Variants in TMOD3 observed in about 807,000 individuals in gnomAD.
TMOD3 encodes the protein tropomodulin-3.
In TMOD3, 20 loss-of-function variants were observed where a neutral mutation model predicts 39.2. The observed-to-expected ratio is 0.51, with a 90% CI of 0.36 to 0.74. The LOEUF (loss-of-function observed/expected upper bound fraction) is 0.74, where lower values mean the gene tolerates loss of function less well. Ranked by LOEUF, TMOD3 falls within the 30% of genes least tolerant of loss-of-function variation. TMOD3 has a pLI of 0.00. For missense variants in TMOD3, 381 were observed against 412.8 expected (o/e 0.92, Z 0.67); for synonymous variants, 143 against 145.8 (o/e 0.98, Z 0.14).
At chr15:51,858,930 G>T (rs758116005) in intron 1 of TMOD3, among the ~76,000 whole-genome samples, 1 of 152,134 alleles carries the variant, frequency 6.6e-6, no homozygotes, top group African/African-American at 2.4e-5. Flanking sequence ...CCAGCTACTC[G>T]GGAGTCTGAG....
chr15:51,873,978 T>C (rs2056488868), intron 3 of TMOD3, among the ~76,000 whole-genome samples: 1 of 152,206 alleles, frequency 6.6e-6, no homozygotes, highest in East Asian at 1.9e-4. Flanking sequence ...ATTACTTACC[T>C]AGTCATTAGA....
rs1287320660 is a variant in TMOD3, at chr15:51,909,013, A to G, written c.*203A>G. The G allele has an allele frequency of 2.5e-6, 1 of 397,276 alleles. No individual in the cohort carries two copies. Among genetic ancestry groups the G allele is most frequent in the Non-Finnish European group, 4.5e-6 (1 of 224,306 alleles). The allele number at this position is 397,276 out of a possible 1,614,324, so 24.6% of individuals were successfully genotyped here. A position where few individuals can be genotyped will look rare whatever the true frequency, so the allele number is the denominator to read the frequency against. ...CTGAAACATTTCTACTTTCTGCTAA[A>G]ATCAATTTTAATTTAGTTTAATTGA... is the stretch of plus-strand genomic sequence containing the variant. On this transcript the variant is annotated 3_prime_UTR_variant, in exon 10 of 10. Coordinates refer to ENST00000308580, the MANE Select transcript of TMOD3 (RefSeq NM_014547.5).
chr15:51,857,326 C>A (rs1566855452), intron 1 of TMOD3, among the ~76,000 whole-genome samples: 1 of 152,146 alleles, frequency 6.6e-6, no homozygotes. Context: ...GTAATGTTTT[C>A]TCTTTTATGC....
intron 1 of TMOD3, among the ~76,000 whole-genome samples, chr15:51,831,218 T>C (rs2056253231): frequency 6.6e-6 from 1 of 152,240 alleles, no homozygotes; most frequent in Non-Finnish European, 1.5e-5. Flanking sequence ...TATTTAATCA[T>C]ATTTTTTATG....
intron 9 of TMOD3, 84 bp from the exon 10 acceptor site, chr15:51,908,692 G>T: frequency 9.7e-7 from 1 of 1,030,860 alleles, no homozygotes; most frequent in Non-Finnish European, 1.4e-6. Context: ...ACTGGATTAT[G>T]CAGAAACTTG....
At chr15:51,833,677 G>A (rs567892949) in intron 1 of TMOD3, among the ~76,000 whole-genome samples, 1 of 152,166 alleles carries the variant, frequency 6.6e-6, no homozygotes, top group African/African-American at 2.4e-5. Flanking sequence ...CTATGTTGTT[G>A]GCAAGTATCA....
At chr15:51,832,751 GAT>G (rs2056263000) in intron 1 of TMOD3, among the ~76,000 whole-genome samples, 1 of 152,184 alleles carries the variant, frequency 6.6e-6, no homozygotes, top group Non-Finnish European at 1.5e-5. Flanking sequence ...AGTATACCTG[GAT>G]AGAGGGAGGG....
At chr15:51,882,663 C>T (rs1238575584) in intron 3 of TMOD3, among the ~76,000 whole-genome samples, 4 of 152,070 alleles carry the variant, frequency 2.6e-5, no homozygotes, top group African/African-American at 9.7e-5. Context: ...TGGTTATATT[C>T]TATTGATCTA....
At chr15:51,905,998 AAAG>A (rs1299639610) in intron 9 of TMOD3, among the ~76,000 whole-genome samples, 2 of 151,382 alleles carry the variant, frequency 1.3e-5, no homozygotes, top group African/African-American at 4.9e-5. Flanking sequence ...GACCAGATCC[AAAG>A]AATTGTTAAT....
chr15:51,852,711 A>G (rs1047356352), intron 1 of TMOD3, among the ~76,000 whole-genome samples: 3 of 152,200 alleles, frequency 2.0e-5, no homozygotes, highest in African/African-American at 7.2e-5. Flanking sequence ...AAAGAAGGGA[A>G]AGCAGAGATT....
Position 51,893,852 on chromosome 15 carries a change from T to C in TMOD3, c.534T>C (p.Asp178=). The part of the protein sequence containing the change: ...VKGEKILPVF[D]EPPNPTNVEE... ...GTGAAAAGATTCTTCCGGTATTTGA[T>C]GAGCCACCAAATCCAACCAATGTAG... The change falls in exon 6 of 10, where the codon GAT becomes GAC. Residue 178 remains aspartate (D), a synonymous_variant. Coordinates refer to ENST00000308580, the MANE Select transcript of TMOD3 (RefSeq NM_014547.5). The C allele has an allele frequency of 6.2e-7, 1 of 1,609,596 alleles. No individual in the cohort carries two copies. The highest frequency in any genetic ancestry group is 8.5e-7 in the Non-Finnish European group (1 of 1,177,212).
At chr15:51,885,535 A>G (rs1042311873) in intron 3 of TMOD3, among the ~76,000 whole-genome samples, 8 of 152,196 alleles carry the variant, frequency 5.3e-5, no homozygotes, top group African/African-American at 7.2e-5. Flanking sequence ...AACAAAGCAC[A>G]TCTTGCACCG....
intron 7 of TMOD3, 137 bp downstream of exon 7, chr15:51,896,663 C>CT (rs1371679203): frequency 1.9e-6 from 1 of 530,980 alleles, no homozygotes; most frequent in Non-Finnish European, 3.2e-6. Flanking sequence ...TACTTACCAG[C>CT]TTTTTGTGTT....
chr15:51,835,548 A>G (rs1166256135), intron 1 of TMOD3, among the ~76,000 whole-genome samples: 2 of 152,168 alleles, frequency 1.3e-5, no homozygotes, highest in African/African-American at 4.8e-5. Flanking sequence ...AGCTCAAGCA[A>G]ACTGCTCACC....
At chr15:51,859,416 T>C in intron 1 of TMOD3, 1 of 675,992 alleles carries the variant, frequency 1.5e-6, no homozygotes. Context: ...TGCAGGATTC[T>C]TGCTGTTTTC....
intron 1 of TMOD3, chr15:51,859,146 G>GC: frequency 3.0e-6 from 2 of 676,384 alleles, no homozygotes; most frequent in East Asian, 5.7e-5. Flanking sequence ...CACAGGGCTT[G>GC]CAATACTGTT....
chr15:51,915,411 T>C lies in TMOD3; in HGVS notation c.*6601T>C, dbSNP rs1018131328. ...TTTTGGATGAATTATTATATTTGGT[T>C]TTAGTTACATTTAAAAGCTTGAAAA... On this transcript the variant is annotated 3_prime_UTR_variant, in exon 10 of 10. Transcript: ENST00000308580. 1 of 152,192 alleles carries C rather than the reference T, an allele frequency of 6.6e-6. No homozygotes were observed. The highest frequency in any genetic ancestry group is 1.5e-5 in the Non-Finnish European group (1 of 68,044). 9.4% of individuals were successfully genotyped at this position (152,192 alleles called of 1,614,324 possible). A position where few individuals can be genotyped will look rare whatever the true frequency, so the allele number is the denominator to read the frequency against.
rs867104707 is a variant in TMOD3 at position 51,912,453 on chromosome 15, T to A, written c.*3643T>A. 44 of 146,288 alleles carry A rather than the reference T, an allele frequency of 3.0e-4. No individual in the cohort carries two copies. The highest frequency in any genetic ancestry group is 7.5e-4 in the African/African-American group (30 of 39,782). The allele number at this position is 146,288 out of a possible 1,614,324, so 9.1% of individuals were successfully genotyped here. A position where few individuals can be genotyped will look rare whatever the true frequency, so the allele number is the denominator to read the frequency against. On this transcript the variant is annotated 3_prime_UTR_variant, in exon 10 of 10. Transcript: ENST00000308580. ...AAAAAAAAAAAAATTTTTTTTTTTT[T>A]ATAAAATGTTACTCATATCATATTG...
intron 9 of TMOD3, 93 bp from the exon 10 acceptor site, chr15:51,908,683 C>T: frequency 2.5e-6 from 2 of 798,600 alleles, no homozygotes; most frequent in Non-Finnish European, 3.7e-6. Context: ...AAACTTATAA[C>T]TGGATTATGC....
Sources: allele counts gnomAD v4.1 joint callset (sites outside exome capture counted in the v4.1 genomes callset), GRCh38; gene constraint gnomAD v4.1.1; transcripts MANE v1.5; gene names NCBI Gene and HGNC (gene_info 2026-07-23, HGNC 2026-07-21).